Variants in IQUB observed in about 807,000 individuals in gnomAD.
IQUB encodes the protein IQ motif and ubiquitin-like domain-containing protein.
A neutral mutation model predicts 86.4 loss-of-function variants in IQUB; 86 were observed. The observed-to-expected ratio is 1.00, with a 90% CI of 0.84 to 1.19. IQUB has a LOEUF of 1.19. IQUB is among the 50% of genes most tolerant of loss of function. The pLI is 0.00. For missense variants in IQUB, 946 were observed against 916.9 expected, an observed-to-expected ratio of 1.03 and a Z score of -0.41; for synonymous variants, 289 against 304.5, an observed-to-expected ratio of 0.95 and a Z score of 0.53.
chr7:123,507,740 G>C (rs1222555591), intron 3 of IQUB, among the ~76,000 whole-genome samples: 1 of 151,948 alleles, frequency 6.6e-6, no homozygotes, highest in African/African-American at 2.4e-5. Context: ...GGGTGTGGTG[G>C]CACATCCCTG....
At chr7:123,528,868 T>G (rs1315118345) in intron 1 of IQUB, among the ~76,000 whole-genome samples, 1 of 152,236 alleles carries the variant, frequency 6.6e-6, no homozygotes, top group Admixed American at 6.5e-5. Context: ...TATTGGTTCC[T>G]AATACCCCCT....
chr7:123,453,127 C>T (rs1793514237), intron 12 of IQUB, among the ~76,000 whole-genome samples: 2 of 151,788 alleles, frequency 1.3e-5, no homozygotes, highest in African/African-American at 4.8e-5. Flanking sequence ...CCTCTGACTT[C>T]TCTAAGTTTA....
At chr7:123,524,487 A>G (rs917985846) in intron 1 of IQUB, among the ~76,000 whole-genome samples, 4 of 149,436 alleles carry the variant, frequency 2.7e-5, no homozygotes, top group Non-Finnish European at 4.5e-5. Context: ...GAGTTCACTC[A>G]TGATTTGGCT....
At chr7:123,487,154 C>A (rs1437825850) in intron 7 of IQUB, among the ~76,000 whole-genome samples, 1 of 152,100 alleles carries the variant, frequency 6.6e-6, no homozygotes, top group East Asian at 1.9e-4. Flanking sequence ...TCTCTTCCAC[C>A]ATATGAAGAT....
At chr7:123,466,655 T>C (rs1794275875) in intron 9 of IQUB, among the ~76,000 whole-genome samples, 1 of 152,270 alleles carries the variant, frequency 6.6e-6, no homozygotes, top group African/African-American at 2.4e-5. Context: ...CACAAACTCA[T>C]CCACAGAAAG....
At chr7:123,532,975 GGGA>G (rs1213810255) in intron 1 of IQUB, 3 of 151,824 alleles carry the variant, frequency 2.0e-5, no homozygotes, top group Middle Eastern at 3.4e-3. Context: ...AGGAGGTGAC[GGGA>G]GGAGGAGGAG....
intron 2 of IQUB, 86 bp from the exon 3 acceptor site, chr7:123,510,121 G>T: frequency 1.2e-6 from 1 of 824,440 alleles, no homozygotes; most frequent in Non-Finnish European, 1.9e-6. Flanking sequence ...ACAGAATTAT[G>T]TGTTAATTTT....
At chr7:123,501,725 A>G (rs1381655214) in intron 6 of IQUB, 1 of 152,162 alleles carries the variant, frequency 6.6e-6, no homozygotes, top group Non-Finnish European at 1.5e-5. Context: ...ACCTTGGTCT[A>G]CTTCACAGTC....
At chr7:123,491,796 T>C (rs1459564362) in intron 7 of IQUB, among the ~76,000 whole-genome samples, 2 of 152,160 alleles carry the variant, frequency 1.3e-5, no homozygotes, top group Non-Finnish European at 2.9e-5. Context: ...TTTTAGAAAA[T>C]TGAAGAGCAC....
intron 6 of IQUB, among the ~76,000 whole-genome samples, chr7:123,500,003 C>T (rs796765271): frequency 6.6e-6 from 1 of 152,148 alleles, no homozygotes; most frequent in South Asian, 2.1e-4. Flanking sequence ...TGCTACACTC[C>T]CACCAGCGCC....
chr7:123,486,546 C>A (rs1036355086), intron 7 of IQUB, among the ~76,000 whole-genome samples: 2 of 151,958 alleles, frequency 1.3e-5, no homozygotes, highest in Non-Finnish European at 2.9e-5. Flanking sequence ...TTAATTGGTA[C>A]GTAGTAATTG....
At chr7:123,504,122 T>C (rs557892844) in intron 3 of IQUB, among the ~76,000 whole-genome samples, 9 of 152,248 alleles carry the variant, frequency 5.9e-5, no homozygotes, top group Non-Finnish European at 8.8e-5. Context: ...CACATTGCTA[T>C]AAAAAACTAC....
chr7:123,501,663 A>C (rs1795950892), intron 6 of IQUB: 1 of 152,200 alleles, frequency 6.6e-6, no homozygotes, highest in Non-Finnish European at 1.5e-5. Flanking sequence ...ACTTCAGAGA[A>C]CTTCTAAGAA....
rs73718403 is a variant in IQUB at position 123,531,252 on chromosome 7, A to G, written c.-5+3240T>C. On this transcript the variant is annotated intron_variant, in intron 1 of 12. Transcript: ENST00000324698. Reference sequence around the variant, plus strand: ...TCCAAACTGTGGTTCTCCAGATAACAATGTGTCTCCGTGAGGACCATATAG... The same window carrying G: ...TCCAAACTGTGGTTCTCCAGATAACGATGTGTCTCCGTGAGGACCATATAG... Among the ~76,000 whole-genome samples the G allele has an allele frequency of 8.3e-3, 1,259 of 152,304 alleles. 17 individuals carry two copies. Among genetic ancestry groups the G allele is most frequent in the African/African-American group, 0.029 (1,205 of 41,558 alleles).
In IQUB at chr7:123,512,216, GT is replaced by G. The variant is rs1562868865; in HGVS notation, c.124del (p.Thr42LeufsTer8). 6.2e-7 allele frequency: 1 copy of G among 1,613,708 alleles called. No homozygotes were observed. Among genetic ancestry groups the G allele is most frequent in the Admixed American group, 1.7e-5 (1 of 60,008 alleles). On this transcript the variant is annotated frameshift_variant, in exon 2 of 13. Coordinates refer to ENST00000324698, the MANE Select transcript of IQUB (RefSeq NM_178827.5). LOFTEE classifies it high-confidence loss of function. ...PSEEPQESDQ[T>X]EEHESGIEQF... ...TTCTATTCCAGATTCATGCTCTTCAGTTTGATCTGACTCTTGAGGCTCTTCT... is the reference window on the plus strand; with the variant it reads ...TTCTATTCCAGATTCATGCTCTTCAGTTGATCTGACTCTTGAGGCTCTTCT...
intron 2 of IQUB, among the ~76,000 whole-genome samples, chr7:123,511,482 T>C (rs1036164720): frequency 1.1e-4 from 16 of 152,148 alleles, no homozygotes; most frequent in African/African-American, 3.6e-4. Context: ...AAACAGACTA[T>C]AGAAATATGT....
chr7:123,513,687 C>T (rs771190150), intron 1 of IQUB, among the ~76,000 whole-genome samples: 7 of 152,088 alleles, frequency 4.6e-5, no homozygotes, highest in African/African-American at 7.2e-5. Flanking sequence ...ATTGCTCTGT[C>T]GCCCAGGCTG....
chr7:123,469,196 A>C lies in IQUB; in HGVS notation c.1581+18T>G. 6.9e-7 allele frequency: 1 copy of C among 1,450,584 alleles called. No homozygotes were observed. The allele number at this position is 1,450,584 out of a possible 1,614,324, so 89.9% of individuals were successfully genotyped here. A position where few individuals can be genotyped will look rare whatever the true frequency, so the allele number is the denominator to read the frequency against. Reference sequence around the variant, plus strand: ...TGACAGTGAACTCTACCCCCAAACTAAGAGAAAGTTAACATACCTTTACAG... The same window carrying C: ...TGACAGTGAACTCTACCCCCAAACTCAGAGAAAGTTAACATACCTTTACAG... On this transcript the variant is annotated intron_variant, in intron 9 of 12. Transcript: ENST00000324698.
intron 1 of IQUB, among the ~76,000 whole-genome samples, chr7:123,516,042 A>G (rs548728620): frequency 2.0e-5 from 3 of 152,322 alleles, no homozygotes; most frequent in East Asian, 1.9e-4. Flanking sequence ...ACTGCAGACT[A>G]AAGAGGGCAA....
Sources: gnomAD v4.1 joint callset for allele counts (sites outside exome capture counted in the v4.1 genomes callset) on GRCh38, gnomAD v4.1.1 for gene constraint, MANE v1.5 for transcripts, NCBI Gene and HGNC (gene_info 2026-07-23, HGNC 2026-07-21) for gene names.